The following GNAL variants were observed in gnomAD, a reference collection of about 807,000 sequenced individuals.
GNAL encodes the protein G protein subunit alpha L.
GNAL carries 18 observed loss-of-function variants against 55.1 expected under a neutral mutation model. The observed-to-expected ratio is 0.33, with a 90% CI of 0.23 to 0.48. The LOEUF is 0.48. Among genes scored for constraint, GNAL ranks in the 20% least tolerant of loss-of-function variants. The pLI, the probability that GNAL is intolerant of heterozygous loss-of-function variation, is 0.99. For synonymous variants in GNAL, 253 were observed against 237.0 expected (o/e 1.07, Z -0.62); for missense variants, 412 against 614.1 (o/e 0.67, Z 3.48).
At chr18:11,731,472 T>C (rs2032338790) in intron 1 of GNAL, among the ~76,000 whole-genome samples, 2 of 152,190 alleles carry the variant, frequency 1.3e-5, no homozygotes, top group Admixed American at 6.5e-5. Context: ...TTAAGGTTTT[T>C]CTGAGGTTAC....
At chr18:11,840,417 A>G (rs1307940645) in intron 5 of GNAL, among the ~76,000 whole-genome samples, 2 of 152,232 alleles carry the variant, frequency 1.3e-5, no homozygotes, top group Non-Finnish European at 2.9e-5. Flanking sequence ...CAAAAAAGGA[A>G]ATTTTTTATT....
chr18:11,695,337 G>A (rs2031374975), intron 1 of GNAL, among the ~76,000 whole-genome samples: 1 of 152,212 alleles, frequency 6.6e-6, no homozygotes, highest in East Asian at 1.9e-4. Context: ...GGGTCACACA[G>A]ACTTTTCTGC....
chr18:11,770,401 GAAA>G (rs2033596715), intron 4 of GNAL, among the ~76,000 whole-genome samples: 1 of 152,046 alleles, frequency 6.6e-6, no homozygotes, highest in South Asian at 2.1e-4. Flanking sequence ...AGAAAAAAGG[GAAA>G]ACATATTTTC....
Position 11,857,538 on chromosome 18 carries a change from A to G in GNAL, c.723-4857A>G. On this transcript the variant is annotated intron_variant, in intron 5 of 11. Transcript: ENST00000334049. ...ATGGGAAGGAGGAAGCGCAGGAGTC[A>G]TGAGAAATGATGGTTCAGGCAGAGA... is the stretch of plus-strand genomic sequence containing the variant. The G allele has an allele frequency of 7.1e-6, 7 of 985,442 alleles. No individual in the cohort carries two copies. The South Asian group carries it at 2.8e-4, about 40-fold the overall frequency. 61.0% of individuals were successfully genotyped at this position (985,442 alleles called of 1,614,324 possible). A position where few individuals can be genotyped will look rare whatever the true frequency, so the allele number is the denominator to read the frequency against.
chr18:11,885,152 G>C lies in GNAL; in HGVS notation c.*4017G>C, dbSNP rs2036998477. On this transcript the variant is annotated 3_prime_UTR_variant, in exon 12 of 12. Transcript: ENST00000334049. ...ATTTACTTTGAATTTGAAAATGTTAGGGTTTCCTCCACCTTTTTATGAAGT... is the reference window on the plus strand; with the variant it reads ...ATTTACTTTGAATTTGAAAATGTTACGGTTTCCTCCACCTTTTTATGAAGT... 1 of 862,810 alleles carries C rather than the reference G, an allele frequency of 1.2e-6. No homozygotes were observed. Among genetic ancestry groups the C allele is most frequent in the Non-Finnish European group, 1.5e-6 (1 of 646,932 alleles). 53.4% of individuals were successfully genotyped at this position (862,810 alleles called of 1,614,324 possible).
Position 11,868,408 on chromosome 18 carries a change from G to T in GNAL, c.911-135G>T. Reference sequence around the variant, plus strand: ...CCAGTGGTGCGCGGCGCACCTGCAGGCTGTTCTGTGACTGAATAGTCCTAT... The same window carrying T: ...CCAGTGGTGCGCGGCGCACCTGCAGTCTGTTCTGTGACTGAATAGTCCTAT... On this transcript the variant is annotated intron_variant, in intron 8 of 11. Transcript: ENST00000334049. The surrounding 1 kb of genome is among the most constrained non-coding windows in gnomAD (Gnocchi z 4.0). 1 of 699,448 alleles carries T rather than the reference G, an allele frequency of 1.4e-6. No homozygotes were observed. 43.3% of individuals were successfully genotyped at this position (699,448 alleles called of 1,614,324 possible).
At chr18:11,811,594 T>C (rs2034819165) in intron 4 of GNAL, 1 of 152,218 alleles carries the variant, frequency 6.6e-6, no homozygotes, top group Non-Finnish European at 1.5e-5. Flanking sequence ...ATAAACATTA[T>C]TTCATGCCTT....
rs972637332 is a variant in GNAL at position 11,882,828 on chromosome 18, C to G, written c.*1693C>G. 3.3e-5 allele frequency: 5 copies of G among 152,102 alleles called. No homozygotes were observed. The highest frequency in any genetic ancestry group is 1.2e-4 in the African/African-American group (5 of 41,406). The allele number at this position is 152,102 out of a possible 1,614,324, so 9.4% of individuals were successfully genotyped here. ...ATAAAGTCAAAAGATACGGCTCTTT[C>G]TCACACTTGCAAGACTTACAAATAC... On this transcript the variant is annotated 3_prime_UTR_variant, in exon 12 of 12. Transcript: ENST00000334049.
In GNAL at chr18:11,715,185, C is replaced by G. The variant is rs142154063; in HGVS notation, c.376+25246C>G. 3.8e-3 allele frequency among the ~76,000 whole-genome samples: 574 copies of G among 151,102 alleles called. 1 individual carries two copies. The highest frequency in any genetic ancestry group is 0.013 in the African/African-American group (531 of 41,170). On this transcript the variant is annotated intron_variant, in intron 1 of 11. Coordinates refer to ENST00000334049, the MANE Select transcript of GNAL (RefSeq NM_182978.4). ...GAAAAGAAAAGATAACAAGGCCGGGCGCGGTGGCTCACGCCTGTAATCCCA... is the reference window on the plus strand; with the variant it reads ...GAAAAGAAAAGATAACAAGGCCGGGGGCGGTGGCTCACGCCTGTAATCCCA...
At chr18:11,712,607 G>T (rs1351970193) in intron 1 of GNAL, among the ~76,000 whole-genome samples, 1 of 152,152 alleles carries the variant, frequency 6.6e-6, no homozygotes, top group Non-Finnish European at 1.5e-5. Flanking sequence ...ACCAAAGGAT[G>T]GTGTGTGAAC....
intron 1 of GNAL, among the ~76,000 whole-genome samples, chr18:11,700,702 C>G (rs2031546088): frequency 6.6e-6 from 1 of 152,242 alleles, no homozygotes; most frequent in Admixed American, 6.5e-5. Flanking sequence ...ACTGTGGCAT[C>G]TGCTTTCTCT....
chr18:11,744,135 T>C (rs1045704699), intron 1 of GNAL, among the ~76,000 whole-genome samples: 1 of 152,224 alleles, frequency 6.6e-6, no homozygotes, highest in African/African-American at 2.4e-5. Flanking sequence ...CCTGGATTTT[T>C]GGACAAGGGG....
chr18:11,777,755 G>A (rs940986337), intron 4 of GNAL, among the ~76,000 whole-genome samples: 6 of 152,102 alleles, frequency 3.9e-5, no homozygotes, highest in African/African-American at 7.2e-5. Context: ...CAACCTACCC[G>A]GAAGAGCAGA....
chr18:11,845,298 T>C lies in GNAL; in HGVS notation c.723-17097T>C, dbSNP rs190083927. ...TACGCCAGACGCAATCCTGTCCTTC[T>C]ATCTTCAGGTTTGTAATAGTAAAAT... On this transcript the variant is annotated intron_variant, in intron 5 of 11. Transcript: ENST00000334049. 9.7e-3 allele frequency among the ~76,000 whole-genome samples: 1,475 copies of C among 152,332 alleles called. 20 individuals are homozygous for C. Among genetic ancestry groups the C allele is most frequent in the Non-Finnish European group, 0.013 (865 of 68,032 alleles).
At chr18:11,859,648 A>G (rs974745339) in intron 5 of GNAL, among the ~76,000 whole-genome samples, 1 of 151,892 alleles carries the variant, frequency 6.6e-6, no homozygotes. Flanking sequence ...AGCTTGCAGC[A>G]CCTATTCCAA....
chr18:11,817,030 C>A (rs1598403535), intron 4 of GNAL, among the ~76,000 whole-genome samples: 1 of 152,006 alleles, frequency 6.6e-6, no homozygotes, highest in African/African-American at 2.4e-5. Context: ...GATGAGGCAC[C>A]TTTCGTGTGA....
intron 7 of GNAL, among the ~76,000 whole-genome samples, chr18:11,865,899 G>A (rs1485652191): frequency 1.3e-5 from 2 of 148,938 alleles, no homozygotes; most frequent in Non-Finnish European, 2.9e-5. Context: ...CAGCATGTCT[G>A]ACTCGACTCT....
chr18:11,705,830 A>G (rs1044431310), intron 1 of GNAL, among the ~76,000 whole-genome samples: 8 of 138,270 alleles, frequency 5.8e-5, no homozygotes, highest in African/African-American at 8.3e-5. Context: ...ATTTCGGCTC[A>G]CTGCAACCTT....
intron 1 of GNAL, among the ~76,000 whole-genome samples, chr18:11,728,889 A>G (rs2032273557): frequency 1.3e-5 from 2 of 152,140 alleles, no homozygotes; most frequent in South Asian, 4.1e-4. Flanking sequence ...TTTCCTTGGG[A>G]GCCTGCTGAT....
Sources: allele counts gnomAD v4.1 joint callset (sites outside exome capture counted in the v4.1 genomes callset), GRCh38; gene constraint gnomAD v4.1.1; non-coding constraint Gnocchi (gnomAD v3.1); transcripts MANE v1.5; gene names NCBI Gene and HGNC (gene_info 2026-07-23, HGNC 2026-07-21).